The following CSMD1 variants were observed in gnomAD, a reference collection of about 807,000 sequenced individuals.
The protein encoded by CSMD1 is CUB and sushi domain-containing protein 1.
CSMD1 carries 213 observed loss-of-function variants against 417.5 expected under a neutral mutation model. That is an observed-to-expected ratio of 0.51 (90% CI 0.46 to 0.57). The LOEUF (loss-of-function observed/expected upper bound fraction) is 0.57, where lower values mean the gene tolerates loss of function less well. Ranked by LOEUF, CSMD1 falls within the 20% of genes least tolerant of loss-of-function variation. The pLI, the probability that CSMD1 is intolerant of heterozygous loss-of-function variation, is 0.00. For synonymous variants in CSMD1, 2,862 were observed against 1,736.8 expected, an observed-to-expected ratio of 1.65 and a Z score of -16.11; for missense variants, 6,923 against 4,529.7, an observed-to-expected ratio of 1.53 and a Z score of -15.17.
rs1357612800 is a variant in CSMD1, at chr8:3,207,132, CT to C, written c.4868-1513del. Among the ~76,000 whole-genome samples the C allele has an allele frequency of 6.7e-3, 876 of 130,854 alleles. 7 individuals carry two copies. The highest frequency in any genetic ancestry group is 0.012 in the African/African-American group (431 of 35,420). The allele number at this position is 130,854 out of a possible 152,430, so 85.8% of individuals were successfully genotyped here. A position where few individuals can be genotyped will look rare whatever the true frequency, so the allele number is the denominator to read the frequency against. On this transcript the variant is annotated intron_variant, in intron 30 of 69. Coordinates refer to ENST00000635120, the MANE Select transcript of CSMD1 (RefSeq NM_033225.6). ...CATTTCTTCTTGATATGGCCATTTT[CT>C]TTTTTTTTTTTCATTTTCTTTTTTT...
intron 1 of CSMD1, among the ~76,000 whole-genome samples, chr8:4,742,675 T>G (rs1488488918): frequency 6.6e-6 from 1 of 152,192 alleles, no homozygotes; most frequent in African/African-American, 2.4e-5. Flanking sequence ...GGAGCATTTT[T>G]CAGTGTTGAC....
intron 3 of CSMD1, among the ~76,000 whole-genome samples, chr8:4,331,079 T>C (rs575713906): frequency 2.9e-4 from 44 of 152,308 alleles, no homozygotes; most frequent in African/African-American, 1.0e-3. Flanking sequence ...TTTCTTATTC[T>C]CCAATATGCA....
intron 12 of CSMD1, among the ~76,000 whole-genome samples, chr8:3,420,023 A>G (rs1338005111): frequency 6.6e-6 from 1 of 152,158 alleles, no homozygotes; most frequent in East Asian, 1.9e-4. Context: ...TGAGAAGCCA[A>G]TGCACAGTGC....
At chr8:3,042,318 C>T (rs1051349626) in intron 50 of CSMD1, among the ~76,000 whole-genome samples, 5 of 152,124 alleles carry the variant, frequency 3.3e-5, no homozygotes, top group Middle Eastern at 3.4e-3. Flanking sequence ...GACCTTTTGG[C>T]CTGAATTATT....
At chr8:3,392,029 T>A (rs144212805) in intron 17 of CSMD1, among the ~76,000 whole-genome samples, 145 of 146,696 alleles carry the variant, frequency 9.9e-4, no homozygotes, top group African/African-American at 3.6e-3. Context: ...CACCTCATGT[T>A]CTCACTCATA....
intron 5 of CSMD1, among the ~76,000 whole-genome samples, chr8:3,849,602 G>A (rs903444030): frequency 6.6e-6 from 1 of 152,142 alleles, no homozygotes; most frequent in African/African-American, 2.4e-5. Flanking sequence ...AAAGAACAGT[G>A]ATTCCTGGGC....
At chr8:4,560,925 C>T (rs79669823) in intron 2 of CSMD1, among the ~76,000 whole-genome samples, 13 of 152,132 alleles carry the variant, frequency 8.5e-5, no homozygotes, top group Non-Finnish European at 4.4e-5. Context: ...ATCAAAGATC[C>T]GTTTTCTCTA....
intron 10 of CSMD1, among the ~76,000 whole-genome samples, chr8:3,517,125 G>A (rs527747565): frequency 1.3e-5 from 2 of 152,172 alleles, no homozygotes; most frequent in Non-Finnish European, 2.9e-5. Context: ...CCATGGTGTG[G>A]CTAGCTCCCT....
chr8:4,840,404 G>A (rs568211968), intron 1 of CSMD1, among the ~76,000 whole-genome samples: 91 of 152,192 alleles, frequency 6.0e-4, no homozygotes, highest in Non-Finnish European at 9.3e-4. Flanking sequence ...AACATATGTC[G>A]AAAACATTTT....
chr8:4,693,634 A>G (rs1456733370), intron 1 of CSMD1, among the ~76,000 whole-genome samples: 2 of 152,120 alleles, frequency 1.3e-5, no homozygotes, highest in Non-Finnish European at 2.9e-5. Flanking sequence ...ATTTTTTCAA[A>G]TGGGTGATCT....
chr8:3,927,937 G>A (rs545213935), intron 5 of CSMD1, among the ~76,000 whole-genome samples: 1 of 152,010 alleles, frequency 6.6e-6, no homozygotes, highest in Non-Finnish European at 1.5e-5. Context: ...TGTTTTGTTA[G>A]ATTATCTGTT....
intron 12 of CSMD1, among the ~76,000 whole-genome samples, chr8:3,461,145 G>T (rs552398272): frequency 1.3e-5 from 2 of 152,324 alleles, no homozygotes; most frequent in East Asian, 1.9e-4. Context: ...CGGAACTGAG[G>T]CTGCTAGAGA....
intron 2 of CSMD1, among the ~76,000 whole-genome samples, chr8:4,518,830 T>G (rs1011838767): frequency 4.6e-5 from 7 of 151,898 alleles, no homozygotes; most frequent in African/African-American, 1.5e-4. Context: ...CTAAGTAAAT[T>G]ATAGGAGATT....
intron 3 of CSMD1, among the ~76,000 whole-genome samples, chr8:4,383,512 C>G (rs1259021825): frequency 6.6e-6 from 1 of 152,176 alleles, no homozygotes; most frequent in African/African-American, 2.4e-5. Context: ...AGGACACCAA[C>G]AAGCCCTGGC....
chr8:4,907,846 A>G (rs1761600567), intron 1 of CSMD1, among the ~76,000 whole-genome samples: 1 of 151,984 alleles, frequency 6.6e-6, no homozygotes, highest in South Asian at 2.1e-4. Flanking sequence ...GATTACAGAC[A>G]ATAGCCATCT....
At chr8:3,177,279 T>C (rs1170406294) in intron 37 of CSMD1, among the ~76,000 whole-genome samples, 1 of 152,074 alleles carries the variant, frequency 6.6e-6, no homozygotes, top group Non-Finnish European at 1.5e-5. Flanking sequence ...CAGGCCTCTA[T>C]CAGGGGGCTA....
intron 11 of CSMD1, among the ~76,000 whole-genome samples, chr8:3,471,336 G>C (rs539327694): frequency 6.6e-6 from 1 of 152,030 alleles, no homozygotes; most frequent in Non-Finnish European, 1.5e-5. Context: ...TTGATATATT[G>C]TAGTACAGAT....
intron 1 of CSMD1, among the ~76,000 whole-genome samples, chr8:4,762,122 G>C (rs1209547653): frequency 6.6e-6 from 1 of 151,890 alleles, no homozygotes; most frequent in East Asian, 1.9e-4. Context: ...TAAAATAATG[G>C]AACTGAAATA....
intron 2 of CSMD1, among the ~76,000 whole-genome samples, chr8:4,442,587 C>T (rs73512784): frequency 4.6e-5 from 7 of 152,294 alleles, no homozygotes; most frequent in African/African-American, 1.7e-4. Context: ...ACTTATAGCT[C>T]TTCCCCAAAT....
Sources: gnomAD v4.1 joint callset for allele counts (sites outside exome capture counted in the v4.1 genomes callset) on GRCh38, gnomAD v4.1.1 for gene constraint, MANE v1.5 for transcripts, NCBI Gene and HGNC (gene_info 2026-07-23, HGNC 2026-07-21) for gene names.